The following EIF4G3 variants were observed in gnomAD, a reference collection of about 807,000 sequenced individuals.
EIF4G3 encodes the protein eukaryotic translation initiation factor 4 gamma 3.
In EIF4G3, 34 loss-of-function variants were observed where a neutral mutation model predicts 186.4. That is an observed-to-expected ratio of 0.18 (90% CI 0.14 to 0.24). The LOEUF is 0.24. EIF4G3 is among the 10% of genes least tolerant of loss of function. EIF4G3 has a pLI of 1.00. For missense variants in EIF4G3, 1,536 were observed against 1,948.5 expected, an observed-to-expected ratio of 0.79 and a Z score of 3.99; for synonymous variants, 673 against 679.5, an observed-to-expected ratio of 0.99 and a Z score of 0.15.
chr1:20,977,311 C>A (rs1395436579), intron 10 of EIF4G3, among the ~76,000 whole-genome samples: 1 of 151,862 alleles, frequency 6.6e-6, no homozygotes, highest in African/African-American at 2.4e-5. Flanking sequence ...CTCAGCCTCC[C>A]GAGTAGCTGG....
intron 2 of EIF4G3, among the ~76,000 whole-genome samples, chr1:21,154,800 T>A (rs533755759): frequency 1.3e-5 from 2 of 152,186 alleles, no homozygotes; most frequent in African/African-American, 4.8e-5. Context: ...TCTTTAGCAG[T>A]ATGATAAAAG....
rs774067748 is a variant in EIF4G3, at chr1:20,886,235, C to T, written c.2390G>A (p.Ser797Asn). Residue 797 changes from serine to asparagine, a missense_variant, in exon 19 of 37, where the codon AGC (serine) becomes AAC (asparagine). Physicochemically the swap from Ser to Asn is conservative, Grantham distance 46. Around this residue, in one of 11 missense-constraint regions of EIF4G3, gnomAD observed 139 missense variants for 192.8 expected, o/e 0.72. Coordinates refer to ENST00000602326, the MANE Select transcript of EIF4G3 (RefSeq NM_001391906.1). ...AATGTTTTCGGGATCATCGGCTTGG[C>T]TGTCTCGTTTTTGGCTTGGCTTCCA... Reference protein sequence around the residue: ...NAWKPSQKRDSQADDPENIKT... With the variant: ...NAWKPSQKRDNQADDPENIKT... 6.2e-7 allele frequency: 1 copy of T among 1,613,772 alleles called. No homozygotes were observed. Among genetic ancestry groups the T allele is most frequent in the Non-Finnish European group, 8.5e-7 (1 of 1,179,872 alleles).
At chr1:21,026,767 T>C (rs568086159) in intron 4 of EIF4G3, among the ~76,000 whole-genome samples, 251 of 151,998 alleles carry the variant, frequency 1.7e-3, no homozygotes, top group African/African-American at 5.6e-3. Flanking sequence ...CTGACCATCA[T>C]GGCAAAACCC....
intron 2 of EIF4G3, among the ~76,000 whole-genome samples, chr1:21,113,677 T>C (rs1161456641): frequency 1.3e-5 from 2 of 152,192 alleles, no homozygotes; most frequent in Non-Finnish European, 2.9e-5. Context: ...ACTGGTGCAC[T>C]GTTATACAGG....
At chr1:21,004,502 T>C (rs2084493983) in intron 4 of EIF4G3, among the ~76,000 whole-genome samples, 1 of 152,102 alleles carries the variant, frequency 6.6e-6, no homozygotes, top group Non-Finnish European at 1.5e-5. Flanking sequence ...CATTTATCTT[T>C]CCCACGAATG....
intron 3 of EIF4G3, among the ~76,000 whole-genome samples, chr1:21,084,867 A>C (rs1020442000): frequency 2.6e-5 from 4 of 151,882 alleles, no homozygotes; most frequent in Non-Finnish European, 5.9e-5. Context: ...CTGTATATAT[A>C]TTTGTTTGCT....
chr1:21,167,619 G>A (rs1302528460), intron 2 of EIF4G3, among the ~76,000 whole-genome samples: 2 of 152,184 alleles, frequency 1.3e-5, no homozygotes, highest in African/African-American at 2.4e-5. Flanking sequence ...TTAGCCAGGC[G>A]TGGTGCCGGG....
intron 20 of EIF4G3, among the ~76,000 whole-genome samples, chr1:20,873,394 A>G (rs1320134419): frequency 1.3e-5 from 2 of 152,214 alleles, no homozygotes; most frequent in African/African-American, 4.8e-5. Context: ...TTGAAATGCT[A>G]GTTATGGCAG....
chr1:21,165,540 C>G (rs183937814), intron 2 of EIF4G3, among the ~76,000 whole-genome samples: 1 of 152,276 alleles, frequency 6.6e-6, no homozygotes, highest in Non-Finnish European at 1.5e-5. Context: ...GGTTACAACA[C>G]AGACGAACCC....
intron 29 of EIF4G3, among the ~76,000 whole-genome samples, chr1:20,845,842 T>C (rs1158536044): frequency 1.3e-5 from 2 of 152,136 alleles, no homozygotes; most frequent in African/African-American, 4.8e-5. Context: ...CTTTGTAGAA[T>C]GTCAGTGGGA....
At chr1:21,055,898 T>C (rs2094541007) in intron 3 of EIF4G3, among the ~76,000 whole-genome samples, 1 of 152,156 alleles carries the variant, frequency 6.6e-6, no homozygotes, top group Non-Finnish European at 1.5e-5. Context: ...CTTACAGAAC[T>C]GTAAAGAGGT....
chr1:21,127,782 T>G (rs2097075793), intron 2 of EIF4G3, among the ~76,000 whole-genome samples: 1 of 152,202 alleles, frequency 6.6e-6, no homozygotes, highest in African/African-American at 2.4e-5. Flanking sequence ...CTTTAAAATG[T>G]AACACAAGAA....
At chr1:20,878,501 T>C (rs1464022274) in intron 20 of EIF4G3, among the ~76,000 whole-genome samples, 1 of 152,212 alleles carries the variant, frequency 6.6e-6, no homozygotes, top group African/African-American at 2.4e-5. Context: ...AGACAGAAGA[T>C]GTGACTTTTC....
rs772885213 is a variant in EIF4G3, at chr1:20,854,972, A to G, written c.3433+6T>C. 2 of 1,612,536 alleles carry G rather than the reference A, an allele frequency of 1.2e-6. No homozygotes were observed. The highest frequency in any genetic ancestry group is 1.7e-6 in the Non-Finnish European group (2 of 1,178,938). On this transcript the variant is annotated splice_donor_region_variant and intron_variant, in intron 26 of 36. Transcript: ENST00000602326. Reference sequence around the variant, plus strand: ...GCCAGGTTTGAGAAGGGACACACACACTTACCAGTCTCACTTGCCTTTGCT... The same window carrying G: ...GCCAGGTTTGAGAAGGGACACACACGCTTACCAGTCTCACTTGCCTTTGCT...
Position 20,822,002 on chromosome 1 carries a change from T to C in EIF4G3, c.4368+3098A>G, listed in dbSNP as rs573927888. Among the ~76,000 whole-genome samples the C allele has an allele frequency of 2.6e-5, 4 of 152,018 alleles. No individual in the cohort carries two copies. The South Asian group carries it at 8.3e-4, about 32-fold the overall frequency. On this transcript the variant is annotated intron_variant, in intron 33 of 36. Transcript: ENST00000602326. ...AAGCAATTTTCCTGCCTCAGCCTCCTGAGTAGCTGGGATTACAGGCGTGTG... is the reference window on the plus strand; with the variant it reads ...AAGCAATTTTCCTGCCTCAGCCTCCCGAGTAGCTGGGATTACAGGCGTGTG...
chr1:20,865,350 C>T, intron 20 of EIF4G3, 88 bp from the exon 21 acceptor site: 2 of 1,439,686 alleles, frequency 1.4e-6, no homozygotes, highest in South Asian at 1.3e-5. Context: ...TGAAATAATG[C>T]TGACTGAACC....
At chr1:20,899,586 T>A (rs1572409463) in intron 16 of EIF4G3, 111 bp downstream of exon 16, 1 of 1,334,804 alleles carries the variant, frequency 7.5e-7, no homozygotes, top group East Asian at 2.3e-5. Flanking sequence ...AAATATTATA[T>A]TGTGATAAAC....
Position 20,899,912 on chromosome 1 carries a change from T to A in EIF4G3, c.1784A>T (p.Lys595Ile). The change falls in exon 16 of 37, where the codon AAA becomes ATA. Residue 595 changes from lysine to isoleucine, a missense_variant. Lys to Ile is a moderately radical substitution (Grantham distance 102). Coordinates refer to ENST00000602326, the MANE Select transcript of EIF4G3 (RefSeq NM_001391906.1). The stretch of plus-strand genomic sequence containing the variant: ...TTTATCTTGTTCAGATTCAAGTACT[T>A]TGTCAATGGAAAGCTCCTCTTCAGC... The part of the protein sequence containing the change: ...LKAEEELSID[K>I]VLESEQDKMS... 6.2e-7 allele frequency: 1 copy of A among 1,613,476 alleles called. No homozygotes were observed. The highest frequency in any genetic ancestry group is 8.5e-7 in the Non-Finnish European group (1 of 1,179,892).
At chr1:21,023,841 C>T (rs1337852806) in intron 4 of EIF4G3, among the ~76,000 whole-genome samples, 2 of 142,522 alleles carry the variant, frequency 1.4e-5, no homozygotes, top group African/African-American at 5.2e-5. Context: ...GCCATCACAT[C>T]TACGAAGTGA....
Sources: gnomAD v4.1 joint callset for allele counts (sites outside exome capture counted in the v4.1 genomes callset) on GRCh38, gnomAD v4.1.1 for gene constraint, gnomAD v4.1.1 regional missense constraint, MANE v1.5 for transcripts, NCBI Gene and HGNC (gene_info 2026-07-23, HGNC 2026-07-21) for gene names.